The following MEGF11 variants were observed in gnomAD, a reference collection of about 807,000 sequenced individuals.
The protein encoded by MEGF11 is multiple EGF like domains 11.
A neutral mutation model predicts 146.6 loss-of-function variants in MEGF11; 126 were observed. That is an observed-to-expected ratio of 0.86 (90% CI 0.74 to 1.00). The LOEUF is 1.00. MEGF11 is among the 50% of genes least tolerant of loss of function. The pLI, the probability that MEGF11 is intolerant of heterozygous loss-of-function variation, is 0.00. For missense variants in MEGF11, 1,509 were observed against 1,521.2 expected, an observed-to-expected ratio of 0.99 and a Z score of 0.13; for synonymous variants, 532 against 583.4, an observed-to-expected ratio of 0.91 and a Z score of 1.27.
chr15:65,934,163 A>G (rs1277361416), intron 10 of MEGF11, among the ~76,000 whole-genome samples: 1 of 152,198 alleles, frequency 6.6e-6, no homozygotes, highest in Non-Finnish European at 1.5e-5. Context: ...AGTTCCTCTG[A>G]TATTGTGAAA....
intron 5 of MEGF11, among the ~76,000 whole-genome samples, chr15:66,026,033 G>T (rs188256952): frequency 1.0e-3 from 155 of 152,320 alleles, no homozygotes; most frequent in African/African-American, 3.5e-3. Context: ...AATCACCTGG[G>T]GAACTTTAAA....
At chr15:65,968,262 A>G (rs565720799) in intron 8 of MEGF11, among the ~76,000 whole-genome samples, 1 of 152,164 alleles carries the variant, frequency 6.6e-6, no homozygotes, top group Admixed American at 6.5e-5. Context: ...AATAATCACT[A>G]TCTGAGTTGC....
intron 8 of MEGF11, among the ~76,000 whole-genome samples, chr15:65,969,586 T>C (rs1418820558): frequency 6.6e-6 from 1 of 152,216 alleles, no homozygotes; most frequent in Non-Finnish European, 1.5e-5. Context: ...ACTAAGGATT[T>C]GGGGCTGATT....
chr15:65,964,434 G>A lies in MEGF11; in HGVS notation c.1112+474C>T, dbSNP rs1211499826. 3.9e-5 allele frequency among the ~76,000 whole-genome samples: 6 copies of A among 152,276 alleles called. No individual in the cohort carries two copies. In the East Asian group the frequency reaches 5.8e-4, roughly 15 times the overall value. On this transcript the variant is annotated intron_variant, in intron 9 of 25. Coordinates refer to ENST00000395614, the MANE Select transcript of MEGF11 (RefSeq NM_001385028.1). ...CCCTCGTGATTTTTAAGGTCCCTTC[G>A]AGTCCTGACCTTCTGCAGCTCAAGC...
intron 5 of MEGF11, among the ~76,000 whole-genome samples, chr15:65,992,577 C>G (rs1485282773): frequency 1.3e-5 from 2 of 151,736 alleles, no homozygotes; most frequent in African/African-American, 4.8e-5. Context: ...TGTTTATTGA[C>G]CTGCTTTAGG....
At chr15:65,980,153 G>A (rs388813) in intron 7 of MEGF11, among the ~76,000 whole-genome samples, 122,247 of 152,168 alleles carry the variant, frequency 0.8, 50,394 homozygotes, top group Non-Finnish European at 0.91. Context: ...CCCAGGGCCT[G>A]TGGCAGCTCA....
chr15:65,982,272 C>A lies in MEGF11; in HGVS notation c.611G>T (p.Cys204Phe). The change falls in exon 6 of 26, where the codon TGC becomes TTC. Residue 204 changes from cysteine (C) to phenylalanine (F), a missense_variant. By Grantham distance (205) the Cys-to-Phe change is radical (BLOSUM62 -2). Coordinates refer to ENST00000395614, the MANE Select transcript of MEGF11 (RefSeq NM_001385028.1). The surrounding 1 kb of genome is among the most constrained non-coding windows in gnomAD (Gnocchi z 5.6). Reference protein sequence around the residue: ...GASCDPRAGECLCAPGYTGVY... With the variant: ...GASCDPRAGEFLCAPGYTGVY... ...GCCGGTGTAGCCAGGTGCGCAGAGG[C>A]ACTCGCCGGCGCGGGGGTCGCAGCT... The A allele has an allele frequency of 6.5e-7, 1 of 1,540,930 alleles. No individual in the cohort carries two copies. Among genetic ancestry groups the A allele is most frequent in the Non-Finnish European group, 8.7e-7 (1 of 1,145,510 alleles).
intron 5 of MEGF11, among the ~76,000 whole-genome samples, chr15:66,090,386 A>G (rs1396985661): frequency 6.6e-6 from 1 of 152,250 alleles, no homozygotes; most frequent in African/African-American, 2.4e-5. Flanking sequence ...ACAATCCAAA[A>G]ATCCCTAAAA....
intron 9 of MEGF11, among the ~76,000 whole-genome samples, chr15:65,962,956 G>A (rs1458857513): frequency 6.6e-6 from 1 of 152,222 alleles, no homozygotes; most frequent in Non-Finnish European, 1.5e-5. Flanking sequence ...AGATTAGCGG[G>A]AGAGAAGAGG....
chr15:66,052,081 G>C (rs578215014), intron 5 of MEGF11, among the ~76,000 whole-genome samples: 1 of 152,192 alleles, frequency 6.6e-6, no homozygotes, highest in Non-Finnish European at 1.5e-5. Flanking sequence ...GCACAGGTGA[G>C]ATTTATGTGG....
intron 5 of MEGF11, among the ~76,000 whole-genome samples, chr15:66,085,331 G>A (rs1050937729): frequency 5.3e-5 from 8 of 152,148 alleles, no homozygotes; most frequent in Non-Finnish European, 7.3e-5. Context: ...TATAGCTGAT[G>A]CTTTCTGGAA....
rs2082025872 is a variant in MEGF11, at chr15:65,990,902, T to C, written c.395-8414A>G. On this transcript the variant is annotated intron_variant, in intron 5 of 25. Coordinates refer to ENST00000395614, the MANE Select transcript of MEGF11 (RefSeq NM_001385028.1). Reference sequence around the variant, plus strand: ...TATGAAAAAGAAAAATTGGAGGTGGTTACCCGAGCTCTGAGCTGAGCTATC... The same window carrying C: ...TATGAAAAAGAAAAATTGGAGGTGGCTACCCGAGCTCTGAGCTGAGCTATC... 2.0e-5 allele frequency among the ~76,000 whole-genome samples: 3 copies of C among 152,232 alleles called. No homozygotes were observed. The South Asian group carries it at 6.2e-4, about 32-fold the overall frequency.
chr15:65,981,033 T>C (rs969844427), intron 6 of MEGF11, 135 bp from the exon 7 acceptor site: 1 of 1,159,072 alleles, frequency 8.6e-7, no homozygotes, highest in African/African-American at 1.6e-5. Flanking sequence ...TGAACTGCAG[T>C]CCTGCTCCCT....
chr15:66,110,535 C>T (rs187425235), intron 4 of MEGF11, among the ~76,000 whole-genome samples: 1 of 152,316 alleles, frequency 6.6e-6, no homozygotes, highest in East Asian at 1.9e-4. Flanking sequence ...TGGCATCTCT[C>T]CCGCTAGACC....
At chr15:66,151,162 C>T (rs1467816637) in intron 1 of MEGF11, among the ~76,000 whole-genome samples, 1 of 152,172 alleles carries the variant, frequency 6.6e-6, no homozygotes, top group Non-Finnish European at 1.5e-5. Context: ...ACCCCCTAAC[C>T]CTAACCCTAA....
intron 5 of MEGF11, among the ~76,000 whole-genome samples, chr15:66,088,274 T>C (rs1348432136): frequency 6.6e-6 from 1 of 152,226 alleles, no homozygotes; most frequent in Non-Finnish European, 1.5e-5. Context: ...CCAATCCTTT[T>C]GACACTGTTC....
At chr15:66,049,849 C>T (rs2084379074) in intron 5 of MEGF11, among the ~76,000 whole-genome samples, 1 of 152,192 alleles carries the variant, frequency 6.6e-6, no homozygotes, top group Non-Finnish European at 1.5e-5. Flanking sequence ...GAGCTGATGG[C>T]GACTTCCAAT....
chr15:65,900,388 C>T lies in MEGF11; in HGVS notation c.3056-1454G>A, dbSNP rs967253718. 5.3e-5 allele frequency among the ~76,000 whole-genome samples: 8 copies of T among 152,348 alleles called. No homozygotes were observed. The East Asian group carries it at 1.5e-3, about 29-fold the overall frequency. ...ACCTTGGGACCCTGAAAGCAGAACA[C>T]TCCGTATGGCTGAAGTAGCTAGATG... is the stretch of plus-strand genomic sequence containing the variant. On this transcript the variant is annotated intron_variant, in intron 24 of 25. Coordinates refer to ENST00000395614, the MANE Select transcript of MEGF11 (RefSeq NM_001385028.1).
At chr15:65,965,600 C>CTTTTTTTTTTTTTTTTTTTTTTTTT (rs767520450) in intron 8 of MEGF11, among the ~76,000 whole-genome samples, 1 of 18,878 alleles carries the variant, frequency 5.3e-5, no homozygotes, top group African/African-American at 2.2e-4. Context: ...TTCTTTCTTT[C>CTTTTTTTTTTTTTTTTTTTTTTTTT]TTTTTTTTTT....
Sources: gnomAD v4.1 joint callset for allele counts (sites outside exome capture counted in the v4.1 genomes callset) on GRCh38, gnomAD v4.1.1 for gene constraint, Gnocchi (gnomAD v3.1) non-coding constraint, MANE v1.5 for transcripts, NCBI Gene and HGNC (gene_info 2026-07-23, HGNC 2026-07-21) for gene names.